The following CDH18 variants were observed in gnomAD, a reference collection of about 807,000 sequenced individuals.
The protein encoded by CDH18 is cadherin-18.
Under a neutral mutation model 67.9 loss-of-function variants are expected in CDH18, and 31 were observed. That is an observed-to-expected ratio of 0.46 (90% CI 0.34 to 0.62). The LOEUF is 0.62. Among genes scored for constraint, CDH18 ranks in the 20% least tolerant of loss-of-function variants. CDH18 has a pLI of 0.01. For missense variants in CDH18, 890 were observed against 975.5 expected, an observed-to-expected ratio of 0.91 and a Z score of 1.17; for synonymous variants, 362 against 347.2, an observed-to-expected ratio of 1.04 and a Z score of -0.48.
At chr5:20,471,833 T>TAAAA (rs70954659) in intron 1 of CDH18, among the ~76,000 whole-genome samples, 2 of 51,500 alleles carry the variant, frequency 3.9e-5, no homozygotes, top group African/African-American at 1.3e-4. Context: ...AGATTCAGTC[T>TAAAA]AAAAAAAAAA....
chr5:20,102,750 C>A (rs1045149116), intron 2 of CDH18, among the ~76,000 whole-genome samples: 1 of 151,958 alleles, frequency 6.6e-6, no homozygotes, highest in African/African-American at 2.4e-5. Context: ...GAAGGAGGGG[C>A]TCCTGGGAAG....
chr5:20,111,486 G>C (rs757948035), intron 2 of CDH18, among the ~76,000 whole-genome samples: 1 of 149,048 alleles, frequency 6.7e-6, no homozygotes, highest in Non-Finnish European at 1.5e-5. Flanking sequence ...GAGAACAGAA[G>C]TAATATAAAA....
intron 2 of CDH18, among the ~76,000 whole-genome samples, chr5:19,999,339 C>T (rs770656367): frequency 5.9e-5 from 9 of 152,126 alleles, no homozygotes; most frequent in Non-Finnish European, 1.2e-4. Flanking sequence ...GTGACTCACG[C>T]CTATGATCCT....
rs1216649430 is a variant in CDH18 at position 19,473,009 on chromosome 5, A to C, written c.*217T>G. The C allele has an allele frequency of 3.9e-6, 2 of 511,176 alleles. No homozygotes were observed. The highest frequency in any genetic ancestry group is 6.8e-6 in the Non-Finnish European group (2 of 293,692). 31.7% of individuals were successfully genotyped at this position (511,176 alleles called of 1,614,324 possible). On this transcript the variant is annotated 3_prime_UTR_variant, in exon 13 of 13. Coordinates refer to ENST00000382275, the MANE Select transcript of CDH18 (RefSeq NM_004934.5). ...CAATTGAAAATATACACAAGGAACA[A>C]TAACTTTTTCTTTGTATTGTCTTTT...
chr5:19,737,243 T>C (rs1768465945), intron 4 of CDH18, among the ~76,000 whole-genome samples: 1 of 152,150 alleles, frequency 6.6e-6, no homozygotes, highest in South Asian at 2.1e-4. Context: ...CTACACCCAA[T>C]CACTGTGTAG....
chr5:19,681,029 C>A (rs1212951545), intron 5 of CDH18, among the ~76,000 whole-genome samples: 1 of 151,842 alleles, frequency 6.6e-6, no homozygotes, highest in African/African-American at 2.4e-5. Context: ...CCATCAATGG[C>A]AGACTAAAAA....
chr5:20,407,317 A>G (rs555439174), intron 1 of CDH18, among the ~76,000 whole-genome samples: 13 of 152,260 alleles, frequency 8.5e-5, no homozygotes, highest in African/African-American at 2.4e-5. Flanking sequence ...GAGACTTGGC[A>G]TACTCTAGAC....
At chr5:20,172,223 T>TATATATATATATATATATAC (rs1554098639) in intron 2 of CDH18, among the ~76,000 whole-genome samples, 5 of 43,912 alleles carry the variant, frequency 1.1e-4, no homozygotes, top group Admixed American at 2.8e-4. Context: ...TATATATATA[T>TATATATATATATATATATAC]GTATATATAT....
chr5:20,464,841 A>G (rs1000936420), intron 1 of CDH18, among the ~76,000 whole-genome samples: 8 of 152,180 alleles, frequency 5.3e-5, no homozygotes, highest in African/African-American at 1.9e-4. Flanking sequence ...GTTACTATGC[A>G]TTAGGAACAA....
intron 5 of CDH18, among the ~76,000 whole-genome samples, chr5:19,693,044 A>G (rs187293778): frequency 3.0e-4 from 45 of 152,016 alleles, no homozygotes; most frequent in Middle Eastern, 6.8e-3. Context: ...TATATACACA[A>G]TGGAATACTA....
intron 2 of CDH18, among the ~76,000 whole-genome samples, chr5:20,114,191 G>A (rs1296231512): frequency 6.6e-6 from 1 of 152,156 alleles, no homozygotes; most frequent in East Asian, 1.9e-4. Flanking sequence ...TAGACATTCT[G>A]TCAAATAAAC....
intron 12 of CDH18, among the ~76,000 whole-genome samples, chr5:19,480,539 G>A (rs1229734973): frequency 2.6e-5 from 4 of 151,424 alleles, no homozygotes; most frequent in Non-Finnish European, 4.4e-5. Context: ...CACCAAGCCC[G>A]ACTAATTTTT....
chr5:20,320,116 T>C (rs1580743092), intron 1 of CDH18, among the ~76,000 whole-genome samples: 2 of 152,324 alleles, frequency 1.3e-5, no homozygotes, highest in Admixed American at 1.3e-4. Context: ...TTCCGTAGCA[T>C]ATTTTTGTAT....
At chr5:19,564,277 C>A (rs1457593922) in intron 8 of CDH18, among the ~76,000 whole-genome samples, 9 of 152,154 alleles carry the variant, frequency 5.9e-5, no homozygotes, top group Non-Finnish European at 1.0e-4. Context: ...GCCACTCCTC[C>A]CCCAACCGCA....
chr5:19,994,756 G>T (rs1416342542), intron 2 of CDH18, among the ~76,000 whole-genome samples: 836 of 54,404 alleles, frequency 0.015, 21 homozygotes, highest in Middle Eastern at 0.042. Flanking sequence ...GAGAGAGAGA[G>T]AGAGAGAGAG....
chr5:19,875,914 C>A (rs1219435915), intron 2 of CDH18, among the ~76,000 whole-genome samples: 1 of 151,394 alleles, frequency 6.6e-6, no homozygotes, highest in East Asian at 1.9e-4. Context: ...TATACACAGA[C>A]TACATCCAAA....
chr5:20,454,249 T>C (rs998585426), intron 1 of CDH18, among the ~76,000 whole-genome samples: 1 of 152,150 alleles, frequency 6.6e-6, no homozygotes, highest in African/African-American at 2.4e-5. Context: ...GATTCAACTT[T>C]GGTTTTGATT....
At chr5:19,583,970 A>C (rs1743690495) in intron 7 of CDH18, among the ~76,000 whole-genome samples, 1 of 152,184 alleles carries the variant, frequency 6.6e-6, no homozygotes, top group African/African-American at 2.4e-5. Flanking sequence ...TGACAACACA[A>C]CAGTATTTGC....
At chr5:19,502,315 A>G (rs982876179) in intron 11 of CDH18, among the ~76,000 whole-genome samples, 1 of 152,198 alleles carries the variant, frequency 6.6e-6, no homozygotes, top group Non-Finnish European at 1.5e-5. Context: ...AAAACTGCAC[A>G]TACCATATGG....
Sources: allele counts gnomAD v4.1 joint callset (sites outside exome capture counted in the v4.1 genomes callset), GRCh38; gene constraint gnomAD v4.1.1; transcripts MANE v1.5; gene names NCBI Gene and HGNC (gene_info 2026-07-23, HGNC 2026-07-21).